Variants in B3GAT2 observed in about 807,000 individuals in gnomAD.
B3GAT2 encodes the protein galactosylgalactosylxylosylprotein 3-beta-glucuronosyltransferase 2.
A neutral mutation model predicts 27.8 loss-of-function variants in B3GAT2; 26 were observed. The observed-to-expected ratio is 0.93, with a 90% CI of 0.68 to 1.30. The LOEUF is 1.30. Ranked by LOEUF, B3GAT2 falls within the 50% of genes most tolerant of loss-of-function variation. The probability of loss-of-function intolerance (pLI) is 0.00; values close to 1 mark genes in which losing one functional copy is unlikely to be tolerated. For missense variants in B3GAT2, 458 were observed against 459.0 expected, an observed-to-expected ratio of 1.00 and a Z score of 0.02; for synonymous variants, 218 against 195.1, an observed-to-expected ratio of 1.12 and a Z score of -0.98.
At chr6:70,895,495 A>AT (rs59066944) in intron 1 of B3GAT2, among the ~76,000 whole-genome samples, 2,085 of 76,614 alleles carry the variant, frequency 0.027, 232 homozygotes, top group African/African-American at 0.044. Context: ...CAAAAAGGGG[A>AT]TTTTTTTTTT....
Position 70,927,324 on chromosome 6 carries a change from C to T in B3GAT2, c.591+28515G>A, listed in dbSNP as rs531032944. Reference sequence around the variant, plus strand: ...ATGACAGGATCAAATTCACACATAACAATATTAACCTTCAATGTAAATGGG... The same window carrying T: ...ATGACAGGATCAAATTCACACATAATAATATTAACCTTCAATGTAAATGGG... On this transcript the variant is annotated intron_variant, in intron 1 of 3. Transcript: ENST00000230053. Among the ~76,000 whole-genome samples, 3 of 152,264 alleles carry T rather than the reference C, an allele frequency of 2.0e-5. No individual in the cohort carries two copies. In the South Asian group the frequency reaches 6.2e-4, roughly 32 times the overall value.
At chr6:70,909,936 T>C (rs1772663633) in intron 1 of B3GAT2, among the ~76,000 whole-genome samples, 1 of 152,148 alleles carries the variant, frequency 6.6e-6, no homozygotes, top group African/African-American at 2.4e-5. Flanking sequence ...TGCAGTGGCA[T>C]GATCTCAGCT....
Position 70,857,227 on chromosome 6 carries a change from C to A in B3GAT2, c.*4436G>T. The A allele has an allele frequency of 2.3e-6, 1 of 441,416 alleles. No individual in the cohort carries two copies. Among genetic ancestry groups the A allele is most frequent in the Non-Finnish European group, 3.9e-6 (1 of 259,114 alleles). The allele number at this position is 441,416 out of a possible 1,614,324, so 27.3% of individuals were successfully genotyped here. ...AGAGGCATGTACAGGATTCACAGAA[C>A]TTTATTTGGAATTAACAAGCTGTTC... On this transcript the variant is annotated 3_prime_UTR_variant, in exon 4 of 4. Transcript: ENST00000230053.
intron 1 of B3GAT2, among the ~76,000 whole-genome samples, chr6:70,948,172 A>C: frequency 6.8e-6 from 1 of 147,678 alleles, no homozygotes; most frequent in South Asian, 2.2e-4. Flanking sequence ...AACGGGCACA[A>C]GACAGGGATG....
At chr6:70,862,320 T>G (rs1771769746) in intron 2 of B3GAT2, among the ~76,000 whole-genome samples, 2 of 152,146 alleles carry the variant, frequency 1.3e-5, no homozygotes, top group African/African-American at 4.8e-5. Flanking sequence ...AAGAAATAAA[T>G]GCAGCTGAAA....
rs898846303 is a variant in B3GAT2, at chr6:70,945,335, G to C, written c.591+10504C>G. Among the ~76,000 whole-genome samples the C allele has an allele frequency of 4.8e-4, 73 of 152,146 alleles. 2 individuals are homozygous for C. Among genetic ancestry groups the C allele is most frequent in the African/African-American group, 1.6e-3 (66 of 41,462 alleles). ...AGTTAAAAACTTTGAAAAAAATTTA[G>C]ACGAATGTATAACTAGAATAACCAA... On this transcript the variant is annotated intron_variant, in intron 1 of 3. Transcript: ENST00000230053.
At chr6:70,865,356 T>C (rs779966837) in intron 2 of B3GAT2, among the ~76,000 whole-genome samples, 1 of 152,134 alleles carries the variant, frequency 6.6e-6, no homozygotes, top group Non-Finnish European at 1.5e-5. Context: ...GACTTCAAGT[T>C]ATCTGCCCCC....
rs1210249959 is a variant in B3GAT2, at chr6:70,956,057, G to C, written c.373C>G (p.Leu125Val). Reference sequence around the variant, plus strand: ...GCCCGCGCCAGGAAGCGGCTCACCAGCTCGCTGCGCGCCGCCGCGTCCTCC... The same window carrying C: ...GCCCGCGCCAGGAAGCGGCTCACCACCTCGCTGCGCGCCGCCGCGTCCTCC... The part of the protein sequence containing the change: ...LVEDAAARSE[L>V]VSRFLARAGL... Residue 125 changes from leucine to valine, a missense_variant, in exon 1 of 4, where the codon CTG (leucine) becomes GTG (valine). Transcript: ENST00000230053. 2 of 1,585,508 alleles carry C rather than the reference G, an allele frequency of 1.3e-6. No homozygotes were observed. Among genetic ancestry groups the C allele is most frequent in the Non-Finnish European group, 1.7e-6 (2 of 1,170,898 alleles).
intron 1 of B3GAT2, among the ~76,000 whole-genome samples, chr6:70,908,484 T>G (rs981058862): frequency 1.3e-5 from 2 of 152,132 alleles, no homozygotes; most frequent in Non-Finnish European, 2.9e-5. Flanking sequence ...TTATGAGAAT[T>G]TGAATTTGAA....
intron 1 of B3GAT2, among the ~76,000 whole-genome samples, chr6:70,906,310 G>A (rs978939615): frequency 6.6e-6 from 1 of 151,812 alleles, no homozygotes; most frequent in Non-Finnish European, 1.5e-5. Flanking sequence ...ACTCTACCAC[G>A]ACCACACACA....
chr6:70,904,305 A>T (rs1306613773), intron 1 of B3GAT2, among the ~76,000 whole-genome samples: 5 of 152,234 alleles, frequency 3.3e-5, no homozygotes, highest in Non-Finnish European at 7.3e-5. Flanking sequence ...AAGCAAACTC[A>T]GCACTTCAAA....
chr6:70,912,925 C>T (rs996949066), intron 1 of B3GAT2, among the ~76,000 whole-genome samples: 2 of 151,996 alleles, frequency 1.3e-5, no homozygotes, highest in Admixed American at 6.6e-5. Flanking sequence ...AAGAATTTAT[C>T]GTTTCTTGTA....
In B3GAT2 at chr6:70,910,907, T is replaced by G. The variant is rs181647659; in HGVS notation, c.592-16635A>C. On this transcript the variant is annotated intron_variant, in intron 1 of 3. Coordinates refer to ENST00000230053, the MANE Select transcript of B3GAT2 (RefSeq NM_080742.3). ...ATGGTATCTCACTGTGGTTTTAATT[T>G]GTATTTCTCTAATGATTAGTGATGT... 3.0e-3 allele frequency among the ~76,000 whole-genome samples: 456 copies of G among 152,360 alleles called. 8 individuals are homozygous for G. The highest frequency in any genetic ancestry group is 1.5e-3 in the Non-Finnish European group (104 of 68,032).
At chr6:70,915,423 G>A (rs536594038) in intron 1 of B3GAT2, among the ~76,000 whole-genome samples, 187 of 152,286 alleles carry the variant, frequency 1.2e-3, no homozygotes, top group Non-Finnish European at 2.4e-3. Context: ...GATGCCATTT[G>A]TCAATTTTGG....
chr6:70,920,134 G>A (rs1448455568), intron 1 of B3GAT2, among the ~76,000 whole-genome samples: 2 of 152,152 alleles, frequency 1.3e-5, no homozygotes, highest in South Asian at 4.1e-4. Context: ...AATGGTGGAC[G>A]CCGCTCCCCA....
intron 1 of B3GAT2, among the ~76,000 whole-genome samples, chr6:70,900,250 A>T (rs904675201): frequency 6.6e-6 from 1 of 152,116 alleles, no homozygotes; most frequent in Non-Finnish European, 1.5e-5. Context: ...GACACACAAG[A>T]TATATTTGGT....
At chr6:70,930,884 C>T (rs144128806) in intron 1 of B3GAT2, among the ~76,000 whole-genome samples, 9 of 152,230 alleles carry the variant, frequency 5.9e-5, no homozygotes, top group East Asian at 3.9e-4. Flanking sequence ...CACATGCACA[C>T]GTATGTTTAT....
Position 70,860,137 on chromosome 6 carries a change from T to TAA in B3GAT2, c.*1524_*1525dup. On this transcript the variant is annotated 3_prime_UTR_variant, in exon 4 of 4. Transcript: ENST00000230053. ...ATGAAAAAATGACCAACTGTGTGGCTAAAGAAACAAGAATTAAAAGTGAAG... is the reference window on the plus strand; with the variant it reads ...ATGAAAAAATGACCAACTGTGTGGCTAAAAAGAAACAAGAATTAAAAGTGAAG... 1 of 1,505,516 alleles carries TAA rather than the reference T, an allele frequency of 6.6e-7. No homozygotes were observed. The highest frequency in any genetic ancestry group is 8.9e-7 in the Non-Finnish European group (1 of 1,126,442). The allele number at this position is 1,505,516 out of a possible 1,614,324, so 93.3% of individuals were successfully genotyped here.
chr6:70,892,310 T>C (rs185535099), intron 2 of B3GAT2, among the ~76,000 whole-genome samples: 142 of 152,318 alleles, frequency 9.3e-4, no homozygotes, highest in African/African-American at 3.3e-3. Context: ...GAAATATCAA[T>C]GTGACCCAAA....
Sources: allele counts gnomAD v4.1 joint callset (sites outside exome capture counted in the v4.1 genomes callset), GRCh38; gene constraint gnomAD v4.1.1; transcripts MANE v1.5; gene names NCBI Gene and HGNC (gene_info 2026-07-23, HGNC 2026-07-21).